The following PCSK2 variants were observed in gnomAD, a reference collection of about 807,000 sequenced individuals.
The protein encoded by PCSK2 is neuroendocrine convertase 2.
PCSK2 carries 14 observed loss-of-function variants against 69.7 expected under a neutral mutation model. That is an observed-to-expected ratio of 0.20 (90% confidence interval 0.13 to 0.31). The LOEUF is 0.31. Among genes scored for constraint, PCSK2 ranks in the 10% least tolerant of loss-of-function variants. PCSK2 has a pLI of 1.00. For synonymous variants in PCSK2, 307 were observed against 320.7 expected (o/e 0.96, Z 0.46); for missense variants, 544 against 842.5 (o/e 0.65, Z 4.39).
intron 4 of PCSK2, 93 bp from the exon 5 acceptor site, chr20:17,369,147 C>T: frequency 9.4e-7 from 1 of 1,066,076 alleles, no homozygotes; most frequent in South Asian, 1.3e-5. Context: ...TGGCACCAGC[C>T]CCATAAAGAG....
intron 1 of PCSK2, among the ~76,000 whole-genome samples, chr20:17,238,156 G>A (rs1351712177): frequency 6.6e-6 from 1 of 152,194 alleles, no homozygotes; most frequent in Admixed American, 6.5e-5. Flanking sequence ...AGCATCAAGT[G>A]TGATGAAGTG....
At chr20:17,426,049 A>G (rs991900692) in intron 6 of PCSK2, among the ~76,000 whole-genome samples, 3 of 152,178 alleles carry the variant, frequency 2.0e-5, no homozygotes, top group African/African-American at 7.2e-5. Context: ...ATACTGTACC[A>G]GAATACCTAG....
intron 11 of PCSK2, among the ~76,000 whole-genome samples, chr20:17,471,962 T>A (rs1262628675): frequency 6.6e-6 from 1 of 152,234 alleles, no homozygotes; most frequent in Non-Finnish European, 1.5e-5. Flanking sequence ...TGGGTTTCCT[T>A]GGCATTAATC....
chr20:17,393,075 C>T (rs2031424493), intron 5 of PCSK2, among the ~76,000 whole-genome samples: 2 of 152,082 alleles, frequency 1.3e-5, no homozygotes, highest in Admixed American at 6.6e-5. Flanking sequence ...CTTGGATAGC[C>T]TTGGTCTGTG....
chr20:17,451,601 T>C (rs1214403490), intron 8 of PCSK2, among the ~76,000 whole-genome samples: 1 of 152,174 alleles, frequency 6.6e-6, no homozygotes, highest in Admixed American at 6.5e-5. Flanking sequence ...TTCCCCCACA[T>C]TCTATTGGCC....
At chr20:17,309,326 A>T (rs1401576849) in intron 2 of PCSK2, among the ~76,000 whole-genome samples, 1 of 152,240 alleles carries the variant, frequency 6.6e-6, no homozygotes, top group African/African-American at 2.4e-5. Context: ...TCCAAATGCA[A>T]TCTTCTCATC....
chr20:17,245,028 C>T (rs1370300141), intron 1 of PCSK2, among the ~76,000 whole-genome samples: 3 of 152,112 alleles, frequency 2.0e-5, no homozygotes, highest in Admixed American at 6.6e-5. Flanking sequence ...CAGAGCAGGT[C>T]AGATCTCCTT....
At chr20:17,402,956 CAA>C (rs1026767768) in intron 5 of PCSK2, among the ~76,000 whole-genome samples, 1 of 135,912 alleles carries the variant, frequency 7.4e-6, no homozygotes, top group Non-Finnish European at 1.6e-5. Context: ...GACTCCGTCT[CAA>C]AAAAAAAAAG....
chr20:17,304,884 T>G (rs1355632012), intron 2 of PCSK2, among the ~76,000 whole-genome samples: 23 of 152,194 alleles, frequency 1.5e-4, no homozygotes, highest in African/African-American at 5.5e-4. Flanking sequence ...TAAAAGCAAT[T>G]CCACCTGGCC....
chr20:17,423,536 G>C (rs771762058), intron 6 of PCSK2, among the ~76,000 whole-genome samples: 2 of 152,110 alleles, frequency 1.3e-5, no homozygotes, highest in Admixed American at 6.5e-5. Context: ...AAAGGGCAGA[G>C]GATTCTCTAC....
intron 2 of PCSK2, among the ~76,000 whole-genome samples, chr20:17,322,347 A>C (rs1461924962): frequency 6.6e-6 from 1 of 152,150 alleles, no homozygotes; most frequent in Non-Finnish European, 1.5e-5. Context: ...AATCTTGATA[A>C]GTAAGCTGTT....
chr20:17,372,632 G>A (rs577756854), intron 5 of PCSK2, among the ~76,000 whole-genome samples: 2 of 152,110 alleles, frequency 1.3e-5, no homozygotes, highest in Non-Finnish European at 2.9e-5. Flanking sequence ...TTCATTCAGA[G>A]CAAAGTCTGA....
intron 6 of PCSK2, among the ~76,000 whole-genome samples, chr20:17,421,914 A>T (rs1202277179): frequency 6.6e-6 from 1 of 152,066 alleles, no homozygotes; most frequent in Non-Finnish European, 1.5e-5. Context: ...TACACCTAAA[A>T]AAACTAAAAA....
intron 5 of PCSK2, among the ~76,000 whole-genome samples, chr20:17,391,906 G>GAGCAAGGAAGGA (rs1555792739): frequency 3.0e-5 from 3 of 99,966 alleles, no homozygotes; most frequent in Non-Finnish European, 2.0e-5. Flanking sequence ...GAAAGAGAGA[G>GAGCAAGGAAGGA]AGGAAGGAAG....
intron 6 of PCSK2, among the ~76,000 whole-genome samples, chr20:17,423,687 AG>A: frequency 6.6e-6 from 1 of 152,348 alleles, no homozygotes. Context: ...GACAAGCCAC[AG>A]ACTAGAAGAC....
intron 6 of PCSK2, among the ~76,000 whole-genome samples, chr20:17,415,436 A>G (rs753602667): frequency 4.6e-5 from 7 of 152,246 alleles, no homozygotes; most frequent in Non-Finnish European, 7.3e-5. Flanking sequence ...CCCATTCACA[A>G]TTGCTACAAA....
At chr20:17,287,406 G>A (rs1474656488) in intron 2 of PCSK2, among the ~76,000 whole-genome samples, 2 of 147,598 alleles carry the variant, frequency 1.4e-5, no homozygotes, top group East Asian at 4.1e-4. Flanking sequence ...GGCATTTCAG[G>A]GATCTTGCAC....
intron 2 of PCSK2, among the ~76,000 whole-genome samples, chr20:17,316,214 C>T (rs1453044711): frequency 6.6e-6 from 1 of 152,226 alleles, no homozygotes; most frequent in Non-Finnish European, 1.5e-5. Context: ...ACAGGACATG[C>T]CTCTCTTTTT....
At chr20:17,332,906 G>A (rs1267022102) in intron 2 of PCSK2, among the ~76,000 whole-genome samples, 1 of 151,964 alleles carries the variant, frequency 6.6e-6, no homozygotes, top group Non-Finnish European at 1.5e-5. Context: ...CCTTATTTTG[G>A]GCTTTGGCTG....
Sources: allele counts gnomAD v4.1 joint callset (sites outside exome capture counted in the v4.1 genomes callset), GRCh38; gene constraint gnomAD v4.1.1; transcripts MANE v1.5; gene names NCBI Gene and HGNC (gene_info 2026-07-23, HGNC 2026-07-21).